SKA1: variants seen among roughly 807,000 people sequenced by gnomAD.
SKA1 encodes the protein spindle and kinetochore associated complex subunit 1, also known as SKA complex subunit 1.
In SKA1, 20 loss-of-function variants were observed where a neutral mutation model predicts 31.8. The ratio of observed to expected loss-of-function variants is 0.63; its 90% CI spans 0.44 to 0.91. SKA1 has a LOEUF of 0.91. Among genes scored for constraint, SKA1 ranks in the 40% least tolerant of loss-of-function variants. The pLI, the probability that SKA1 is intolerant of heterozygous loss-of-function variation, is 0.00. For missense variants in SKA1, 253 were observed against 298.2 expected (o/e 0.85, Z 1.12); for synonymous variants, 88 against 100.5 (o/e 0.88, Z 0.74).
chr18:50,380,478 T>A (rs1464597169), intron 3 of SKA1, among the ~76,000 whole-genome samples: 2 of 152,180 alleles, frequency 1.3e-5, no homozygotes, highest in East Asian at 3.8e-4. Context: ...AAAAGGAGAG[T>A]TTGCTAATAA....
At position 50,383,582 on chromosome 18, in the gene SKA1, G is replaced by A. The variant is rs547042130; in HGVS notation, c.311+1356G>A. On this transcript the variant is annotated intron_variant, in intron 4 of 6. Transcript: ENST00000285116. ...ACATATCCTCCCATCACCTCGGTGA[G>A]GACTTGGCATCTTTATCCTGTCTTG... 6.6e-5 allele frequency among the ~76,000 whole-genome samples: 10 copies of A among 152,244 alleles called. No individual in the cohort carries two copies. The South Asian group carries it at 1.2e-3, about 19-fold the overall frequency.
intron 4 of SKA1, among the ~76,000 whole-genome samples, chr18:50,384,871 TAAAAA>T (rs10608403): frequency 4.8e-5 from 4 of 82,600 alleles, no homozygotes; most frequent in African/African-American, 1.7e-4. Flanking sequence ...AAAAAAAAAT[TAAAAA>T]AAAAAAAAAA....
In SKA1 at chr18:50,394,128, G is replaced by C. The variant is rs1425007881; in HGVS notation, c.*1881G>C. On this transcript the variant is annotated 3_prime_UTR_variant, in exon 7 of 7. Transcript: ENST00000285116. ...CCCTTCATGTGGCTGTTGTTCATCT[G>C]TATCCTTTGTAGTAGCCTTAAAATA... The C allele has an allele frequency of 2.0e-5, 3 of 152,204 alleles. No individual in the cohort carries two copies. The highest frequency in any genetic ancestry group is 6.5e-5 in the Admixed American group (1 of 15,270). 9.4% of individuals were successfully genotyped at this position (152,204 alleles called of 1,614,324 possible). A position where few individuals can be genotyped will look rare whatever the true frequency, so the allele number is the denominator to read the frequency against.
chr18:50,384,871 T>TAAAAAAAAAAAAAAAAAAGG (rs2041292028), intron 4 of SKA1, among the ~76,000 whole-genome samples: 1 of 82,600 alleles, frequency 1.2e-5, no homozygotes, highest in Non-Finnish European at 2.1e-5. Context: ...AAAAAAAAAT[T>TAAAAAAAAAAAAAAAAAAGG]AAAAAAAAAA....
chr18:50,387,014 A>G (rs2041314383), intron 5 of SKA1, among the ~76,000 whole-genome samples: 1 of 152,218 alleles, frequency 6.6e-6, no homozygotes, highest in Non-Finnish European at 1.5e-5. Flanking sequence ...TGTAGACATA[A>G]GTTTTCAACT....
At position 50,389,434 on chromosome 18, in the gene SKA1, C is replaced by T. The variant is rs531436708; in HGVS notation, c.450-1690C>T. 2.1e-4 allele frequency among the ~76,000 whole-genome samples: 29 copies of T among 141,370 alleles called. No individual in the cohort carries two copies. The South Asian group carries it at 5.5e-3, about 27-fold the overall frequency. The allele number at this position is 141,370 out of a possible 152,430, so 92.7% of individuals were successfully genotyped here. A position where few individuals can be genotyped will look rare whatever the true frequency, so the allele number is the denominator to read the frequency against. ...TGTTTTTGAGACAGTCTCACTCTGTCCCACAGGCTGGAGTGCAGTGGCATG... is the reference window on the plus strand; with the variant it reads ...TGTTTTTGAGACAGTCTCACTCTGTTCCACAGGCTGGAGTGCAGTGGCATG... On this transcript the variant is annotated intron_variant, in intron 5 of 6. Coordinates refer to ENST00000285116, the MANE Select transcript of SKA1 (RefSeq NM_145060.4).
chr18:50,375,763 GA>G (rs1237777164), intron 1 of SKA1, 56 bp from the exon 2 acceptor site: 2 of 1,159,128 alleles, frequency 1.7e-6, no homozygotes, highest in East Asian at 4.8e-5. Flanking sequence ...TTTCGAAAGT[GA>G]ACAGAAATTT....
chr18:50,380,907 C>G (rs1193619322), intron 3 of SKA1, among the ~76,000 whole-genome samples: 1 of 152,164 alleles, frequency 6.6e-6, no homozygotes, highest in Admixed American at 6.5e-5. Context: ...TGGGATTGAA[C>G]AAGGGACCTC....
In SKA1 at chr18:50,391,307, A is replaced by T; in HGVS notation, c.619+14A>T. ...AGGATACCAAAGGTAAAATGGCAGC[A>T]TATATGTGTGTACATGTGAACTGTT... On this transcript the variant is annotated intron_variant, in intron 6 of 6. Coordinates refer to ENST00000285116, the MANE Select transcript of SKA1 (RefSeq NM_145060.4). 3 of 1,574,090 alleles carry T rather than the reference A, an allele frequency of 1.9e-6. No homozygotes were observed. Among genetic ancestry groups the T allele is most frequent in the Non-Finnish European group, 2.6e-6 (3 of 1,165,808 alleles).
intron 4 of SKA1, among the ~76,000 whole-genome samples, chr18:50,383,708 C>G (rs1469307855): frequency 2.0e-5 from 3 of 152,174 alleles, no homozygotes; most frequent in Non-Finnish European, 4.4e-5. Context: ...AGCCTCAACT[C>G]TCAGGGATAG....
chr18:50,383,408 C>T (rs796889048), intron 4 of SKA1, among the ~76,000 whole-genome samples: 1 of 152,162 alleles, frequency 6.6e-6, no homozygotes, highest in South Asian at 2.1e-4. Context: ...ACCTGCTTTA[C>T]TCATTCTTAC....
intron 4 of SKA1, among the ~76,000 whole-genome samples, chr18:50,384,205 A>G (rs2149321082): frequency 6.6e-6 from 1 of 152,370 alleles, no homozygotes; most frequent in African/African-American, 2.4e-5. Context: ...TTCAGATAAG[A>G]TAGGGTATAG....
intron 5 of SKA1, among the ~76,000 whole-genome samples, chr18:50,389,375 C>CTTTTTTTTT (rs756288352): frequency 2.7e-4 from 23 of 86,090 alleles, no homozygotes; most frequent in African/African-American, 1.0e-3. Flanking sequence ...CTTTACCTTT[C>CTTTTTTTTT]TTTTTTTTTT....
rs1179865293 is a variant in SKA1 at position 50,380,402 on chromosome 18, A to G, written c.213+152A>G. On this transcript the variant is annotated intron_variant, in intron 3 of 6. Coordinates refer to ENST00000285116, the MANE Select transcript of SKA1 (RefSeq NM_145060.4). ...GCCATTTATGTTTTATTTTCCTAGTATAGTGGAATTTGGAGCTCCACAGCT... is the reference window on the plus strand; with the variant it reads ...GCCATTTATGTTTTATTTTCCTAGTGTAGTGGAATTTGGAGCTCCACAGCT... The G allele has an allele frequency of 3.3e-6, 3 of 904,592 alleles. No individual in the cohort carries two copies. The African/African-American group carries it at 5.3e-5, about 16-fold the overall frequency. 56.0% of individuals were successfully genotyped at this position (904,592 alleles called of 1,614,324 possible). A position where few individuals can be genotyped will look rare whatever the true frequency, so the allele number is the denominator to read the frequency against.
chr18:50,388,505 A>G (rs1445737578), intron 5 of SKA1, among the ~76,000 whole-genome samples: 1 of 149,150 alleles, frequency 6.7e-6, no homozygotes, highest in Non-Finnish European at 1.5e-5. Flanking sequence ...ACGTTCCTGT[A>G]ACCTTGTTGT....
rs763324350 is a variant in SKA1 at position 50,392,186 on chromosome 18, G to A, written c.707G>A (p.Arg236Gln). The part of the protein sequence containing the change: ...KKFHVLLNIL[R>Q]HCRRLSEVRG... Reference sequence around the variant, plus strand: ...TTTCACGTGTTACTGAATATTTTACGACACTGCCGGAGGCTATCAGAGGTC... The same window carrying A: ...TTTCACGTGTTACTGAATATTTTACAACACTGCCGGAGGCTATCAGAGGTC... The change falls in exon 7 of 7, where the codon CGA becomes CAA. Residue 236 changes from arginine to glutamine, a missense_variant. By Grantham distance (43) the Arg-to-Gln change is conservative. Transcript: ENST00000285116. 7.5e-6 allele frequency: 12 copies of A among 1,610,028 alleles called. No individual in the cohort carries two copies. The highest frequency in any genetic ancestry group is 5.4e-5 in the African/African-American group (4 of 74,618).
chr18:50,384,871 T>TAAAAAAAAAAAAAAAAAAAATA (rs10608403), intron 4 of SKA1, among the ~76,000 whole-genome samples: 4 of 82,596 alleles, frequency 4.8e-5, no homozygotes, highest in Non-Finnish European at 6.3e-5. Context: ...AAAAAAAAAT[T>TAAAAAAAAAAAAAAAAAAAATA]AAAAAAAAAA....
intron 4 of SKA1, among the ~76,000 whole-genome samples, chr18:50,383,743 T>C (rs1005228118): frequency 2.6e-5 from 4 of 152,222 alleles, no homozygotes; most frequent in African/African-American, 9.6e-5. Context: ...TTTCTGTAGT[T>C]GAAAATGGTT....
intron 4 of SKA1, among the ~76,000 whole-genome samples, chr18:50,384,872 A>AAAAAAAAAAAAAAAAAAAAG (rs2041293255): frequency 2.9e-5 from 2 of 68,784 alleles, no homozygotes; most frequent in East Asian, 5.4e-4. Context: ...AAAAAAAATT[A>AAAAAAAAAAAAAAAAAAAAG]AAAAAAAAAA....
Sources: gnomAD v4.1 joint callset for allele counts (sites outside exome capture counted in the v4.1 genomes callset) on GRCh38, gnomAD v4.1.1 for gene constraint, MANE v1.5 for transcripts, NCBI Gene and HGNC (gene_info 2026-07-23, HGNC 2026-07-21) for gene names.